The following MEMO1 variants were observed in gnomAD, a reference collection of about 807,000 sequenced individuals.
MEMO1 encodes the protein mediator of cell motility 1.
In MEMO1, 6 loss-of-function variants were observed where a neutral mutation model predicts 45.2. The observed-to-expected ratio is 0.13, with a 90% CI of 0.07 to 0.26. The LOEUF (loss-of-function observed/expected upper bound fraction) is 0.26. Ranked by LOEUF, MEMO1 falls within the 10% of genes least tolerant of loss-of-function variation. MEMO1 has a pLI of 1.00. For synonymous variants in MEMO1, 78 were observed against 124.3 expected (o/e 0.63, Z 2.48); for missense variants, 184 against 370.5 (o/e 0.50, Z 4.13).
chr2:31,963,259 ATC>A (rs1668234343), intron 2 of MEMO1: 1 of 1,538,912 alleles, frequency 6.5e-7, no homozygotes, highest in Non-Finnish European at 8.8e-7. Context: ...TTCCAAATAA[ATC>A]TCTTTCTATA....
chr2:31,897,504 T>C (rs1322385462), intron 6 of MEMO1, among the ~76,000 whole-genome samples: 1 of 152,242 alleles, frequency 6.6e-6, no homozygotes, highest in Non-Finnish European at 1.5e-5. Flanking sequence ...GTTCTATTTA[T>C]ATGATGGATT....
In MEMO1 at chr2:31,905,292, G is replaced by A. The variant is rs1213942378; in HGVS notation, c.437+12634C>T. Reference sequence around the variant, plus strand: ...CAGAGGCAAAGAACTGGGGAAAAAAGTAGAGGATAGGGGAAGAAGAAGGGT... The same window carrying A: ...CAGAGGCAAAGAACTGGGGAAAAAAATAGAGGATAGGGGAAGAAGAAGGGT... On this transcript the variant is annotated intron_variant, in intron 6 of 9. Coordinates refer to ENST00000404530, the MANE Select transcript of MEMO1 (RefSeq NM_001301833.4). Among the ~76,000 whole-genome samples the A allele has an allele frequency of 2.0e-5, 3 of 152,074 alleles. No individual in the cohort carries two copies. In the East Asian group the frequency reaches 5.8e-4, roughly 29 times the overall value.
At chr2:31,961,789 A>T (rs1668038085) in intron 2 of MEMO1, among the ~76,000 whole-genome samples, 3 of 152,044 alleles carry the variant, frequency 2.0e-5, no homozygotes, top group Non-Finnish European at 4.4e-5. Context: ...AAAAAAAAAA[A>T]AGTTATCCTG....
intron 6 of MEMO1, among the ~76,000 whole-genome samples, chr2:31,901,468 GACT>G (rs1442574474): frequency 3.5e-5 from 5 of 144,570 alleles, no homozygotes; most frequent in African/African-American, 7.7e-5. Flanking sequence ...GTGAAAAATA[GACT>G]ACATTTTGTA....
At chr2:31,970,939 G>T (rs1206023978) in intron 2 of MEMO1, among the ~76,000 whole-genome samples, 11 of 152,302 alleles carry the variant, frequency 7.2e-5, no homozygotes. Flanking sequence ...AGAAGGTGGA[G>T]GTTGCAGTGA....
At chr2:31,872,136 G>A (rs772563065) in intron 8 of MEMO1, among the ~76,000 whole-genome samples, 4 of 152,038 alleles carry the variant, frequency 2.6e-5, no homozygotes, top group Non-Finnish European at 5.9e-5. Flanking sequence ...GTAATGCAGA[G>A]ATGGAGTTAT....
At chr2:31,970,992 A>G (rs1461319817) in intron 2 of MEMO1, among the ~76,000 whole-genome samples, 2 of 152,222 alleles carry the variant, frequency 1.3e-5, no homozygotes, top group Non-Finnish European at 2.9e-5. Flanking sequence ...TGACAGAGCG[A>G]GACTCCATCT....
At chr2:31,966,727 T>C (rs113402659) in intron 2 of MEMO1, among the ~76,000 whole-genome samples, 57,373 of 137,270 alleles carry the variant, frequency 0.42, 12,737 homozygotes, top group Non-Finnish European at 0.47. Context: ...AGCAAGACTC[T>C]GTCTCAAAAA....
chr2:31,940,032 G>A (rs1004820823), intron 3 of MEMO1, among the ~76,000 whole-genome samples: 1 of 151,988 alleles, frequency 6.6e-6, no homozygotes, highest in Admixed American at 6.6e-5. Flanking sequence ...TGATACAGCT[G>A]ATCACTTTTT....
chr2:31,888,803 A>G (rs1271469245), intron 7 of MEMO1, among the ~76,000 whole-genome samples: 3 of 152,016 alleles, frequency 2.0e-5, no homozygotes, highest in Admixed American at 6.6e-5. Flanking sequence ...CTTTTTGGGG[A>G]ACTCAAATGA....
chr2:31,962,776 A>C (rs140946319), intron 2 of MEMO1, among the ~76,000 whole-genome samples: 55 of 152,334 alleles, frequency 3.6e-4, no homozygotes, highest in African/African-American at 1.3e-3. Context: ...CCTGGATGTG[A>C]CAGTTAATTT....
intron 2 of MEMO1, among the ~76,000 whole-genome samples, chr2:31,999,594 C>T (rs1326757497): frequency 6.6e-6 from 1 of 152,092 alleles, no homozygotes. Context: ...CGCTTGAGCA[C>T]GGGAGGTTAA....
At chr2:31,964,163 T>A (rs374111025) in intron 2 of MEMO1, among the ~76,000 whole-genome samples, 8 of 152,114 alleles carry the variant, frequency 5.3e-5, no homozygotes, top group African/African-American at 1.7e-4. Flanking sequence ...CAGAAAAACG[T>A]TGAACACCAT....
At chr2:31,916,565 T>C (rs540956694) in intron 6 of MEMO1, among the ~76,000 whole-genome samples, 11 of 152,294 alleles carry the variant, frequency 7.2e-5, no homozygotes, top group Admixed American at 3.3e-4. Context: ...TATTTTCTCA[T>C]GACAAAATAT....
intron 2 of MEMO1, among the ~76,000 whole-genome samples, chr2:31,995,222 C>T (rs1288480053): frequency 1.3e-5 from 2 of 151,934 alleles, no homozygotes; most frequent in Non-Finnish European, 2.9e-5. Context: ...GAGGCCGAGG[C>T]GGGTGAATCA....
chr2:31,879,571 T>G (rs1178893026), intron 8 of MEMO1, among the ~76,000 whole-genome samples: 1 of 152,170 alleles, frequency 6.6e-6, no homozygotes, highest in East Asian at 1.9e-4. Flanking sequence ...AGGCCATATA[T>G]GTAATTTTAA....
At chr2:31,931,550 GT>G (rs35473423) in intron 4 of MEMO1, among the ~76,000 whole-genome samples, 14,874 of 148,186 alleles carry the variant, frequency 0.1, 776 homozygotes, top group Middle Eastern at 0.18. Context: ...TTCCCAGGAA[GT>G]TTTTTTTTTT....
chr2:31,956,815 G>A (rs1013451866), intron 2 of MEMO1, among the ~76,000 whole-genome samples: 1 of 152,140 alleles, frequency 6.6e-6, no homozygotes, highest in African/African-American at 2.4e-5. Context: ...TTATGTATTG[G>A]TTTGTATTTA....
At chr2:31,953,170 CA>C (rs1245541944) in intron 2 of MEMO1, among the ~76,000 whole-genome samples, 3 of 151,902 alleles carry the variant, frequency 2.0e-5, no homozygotes, top group African/African-American at 7.2e-5. Flanking sequence ...AGTTCAAGAC[CA>C]ACCTGGCCAA....
Sources: allele counts gnomAD v4.1 joint callset (sites outside exome capture counted in the v4.1 genomes callset), GRCh38; gene constraint gnomAD v4.1.1; transcripts MANE v1.5; gene names NCBI Gene and HGNC (gene_info 2026-07-23, HGNC 2026-07-21).